Variants in ALK observed in about 807,000 individuals in gnomAD.
ALK encodes ALK receptor tyrosine kinase, also known as ALK tyrosine kinase receptor.
Under a neutral mutation model 163.1 loss-of-function variants are expected in ALK, and 74 were observed. The ratio of observed to expected loss-of-function variants is 0.45; its 90% CI spans 0.38 to 0.55. The LOEUF is 0.55. ALK is among the 20% of genes least tolerant of loss of function. The pLI, the probability that ALK is intolerant of heterozygous loss-of-function variation, is 0.00. For synonymous variants in ALK, 960 were observed against 843.2 expected (o/e 1.14, Z -2.40); for missense variants, 2,063 against 2,105.3 (o/e 0.98, Z 0.39).
intron 3 of ALK, among the ~76,000 whole-genome samples, chr2:29,537,681 T>C (rs1337121801): frequency 2.0e-5 from 3 of 152,196 alleles, no homozygotes; most frequent in African/African-American, 4.8e-5. Flanking sequence ...GCCTTCTATA[T>C]CCAAGAATGG....
At chr2:29,349,034 C>T (rs958067659) in intron 5 of ALK, among the ~76,000 whole-genome samples, 1 of 145,418 alleles carries the variant, frequency 6.9e-6, no homozygotes, top group Non-Finnish European at 1.5e-5. Context: ...TTCATGTGGC[C>T]TTTGTGAAGA....
At chr2:29,419,000 C>G (rs183693173) in intron 4 of ALK, among the ~76,000 whole-genome samples, 32 of 151,462 alleles carry the variant, frequency 2.1e-4, no homozygotes, top group Non-Finnish European at 2.9e-4. Context: ...AGTCTGTGCT[C>G]TCAATAATCC....
intron 1 of ALK, among the ~76,000 whole-genome samples, chr2:29,839,653 G>T (rs1415881415): frequency 6.6e-6 from 1 of 152,032 alleles, no homozygotes; most frequent in African/African-American, 2.4e-5. Flanking sequence ...TCCTTTGTTT[G>T]TGTCCCTTCT....
rs80225871 is a variant in ALK at position 29,591,898 on chromosome 2, G to T, written c.953-59782C>A. Among the ~76,000 whole-genome samples the T allele has an allele frequency of 3.0e-3, 451 of 151,938 alleles. 2 individuals are homozygous for T. Among genetic ancestry groups the T allele is most frequent in the African/African-American group, 0.01 (434 of 41,442 alleles). On this transcript the variant is annotated intron_variant, in intron 3 of 28. Transcript: ENST00000389048. Reference sequence around the variant, plus strand: ...CTTTCAGCACCTGAGTTCATTCTGGGTTTTACTCTTTCTGTCGTCTTTCTC... The same window carrying T: ...CTTTCAGCACCTGAGTTCATTCTGGTTTTTACTCTTTCTGTCGTCTTTCTC...
chr2:29,901,466 G>A (rs1265865068), intron 1 of ALK, among the ~76,000 whole-genome samples: 2 of 152,150 alleles, frequency 1.3e-5, no homozygotes, highest in Admixed American at 6.6e-5. Context: ...TGTTGCACCC[G>A]CTGTTTATGC....
chr2:29,537,298 A>G (rs1004346362), intron 3 of ALK, among the ~76,000 whole-genome samples: 1 of 152,222 alleles, frequency 6.6e-6, no homozygotes, highest in Admixed American at 6.5e-5. Context: ...AGAGGCAAGA[A>G]TGGTTTCAGG....
At position 29,920,520 on chromosome 2, in the gene ALK, G is replaced by C. The variant is rs541315214; in HGVS notation, c.140C>G (p.Ser47Trp). 9.3e-6 allele frequency: 15 copies of C among 1,611,974 alleles called. No homozygotes were observed. Among genetic ancestry groups the C allele is most frequent in the Non-Finnish European group, 1.2e-5 (14 of 1,179,490 alleles). The stretch of plus-strand genomic sequence containing the variant: ...TGCCAGACTCTTCCTCTGCAGGCGC[G>C]AGTAGCTGAGTGGCTCCCGGGGCTG... ...PLQPREPLSY[S>W]RLQRKSLAVD... The change falls in exon 1 of 29, where the codon TCG becomes TGG. Residue 47 changes from serine (S) to tryptophan (W), a missense_variant. Around this residue, in one of 5 missense-constraint regions of ALK, gnomAD observed 987 missense variants for 939.5 expected, o/e 1.05. Coordinates refer to ENST00000389048, the MANE Select transcript of ALK (RefSeq NM_004304.5).
chr2:29,538,256 T>G (rs944360063), intron 3 of ALK, among the ~76,000 whole-genome samples: 2 of 152,224 alleles, frequency 1.3e-5, no homozygotes, highest in Non-Finnish European at 2.9e-5. Context: ...CGTTGAAATG[T>G]GATTCCCAAT....
intron 3 of ALK, among the ~76,000 whole-genome samples, chr2:29,607,133 G>A (rs1049076480): frequency 5.9e-5 from 9 of 152,124 alleles, no homozygotes; most frequent in African/African-American, 1.7e-4. Context: ...CTGTAGACAG[G>A]CCTTACTTAG....
chr2:29,727,472 C>T (rs1044506279), intron 1 of ALK, among the ~76,000 whole-genome samples: 2 of 152,212 alleles, frequency 1.3e-5, no homozygotes, highest in African/African-American at 4.8e-5. Flanking sequence ...AGCAGTGTTA[C>T]TGCGTGACCT....
At chr2:29,197,258 C>G (rs942916362) in intron 27 of ALK, among the ~76,000 whole-genome samples, 2 of 152,106 alleles carry the variant, frequency 1.3e-5, no homozygotes, top group African/African-American at 2.4e-5. Flanking sequence ...GGGACTGGGC[C>G]TGGGACACAC....
At chr2:29,323,517 A>G (rs1023635714) in intron 6 of ALK, among the ~76,000 whole-genome samples, 4 of 152,198 alleles carry the variant, frequency 2.6e-5, no homozygotes, top group African/African-American at 9.7e-5. Context: ...TGGCTGACTC[A>G]ATAACGGGAG....
intron 4 of ALK, among the ~76,000 whole-genome samples, chr2:29,502,367 C>G (rs1485360179): frequency 6.6e-6 from 1 of 152,136 alleles, no homozygotes; most frequent in Non-Finnish European, 1.5e-5. Flanking sequence ...CCAATAAGCA[C>G]TTGTAAAAGA....
Position 29,543,070 on chromosome 2 carries a change from T to A in ALK, c.953-10954A>T, listed in dbSNP as rs545976190. Among the ~76,000 whole-genome samples the A allele has an allele frequency of 1.8e-3, 271 of 152,264 alleles. 1 individual carries two copies. The highest frequency in any genetic ancestry group is 6.1e-3 in the African/African-American group (254 of 41,550). On this transcript the variant is annotated intron_variant, in intron 3 of 28. Coordinates refer to ENST00000389048, the MANE Select transcript of ALK (RefSeq NM_004304.5). ...TTCTTTTAACAGAAGAAAAAGCATA[T>A]AAATTTATTTATGTGCAAATGCATG... is the stretch of plus-strand genomic sequence containing the variant.
intron 3 of ALK, among the ~76,000 whole-genome samples, chr2:29,563,016 C>G (rs1674071555): frequency 1.3e-5 from 2 of 152,154 alleles, no homozygotes; most frequent in South Asian, 4.1e-4. Context: ...TGAAGCTGCT[C>G]CTTATGTGGC....
At chr2:29,412,176 G>T (rs1669741013) in intron 4 of ALK, among the ~76,000 whole-genome samples, 2 of 152,164 alleles carry the variant, frequency 1.3e-5, no homozygotes, top group Non-Finnish European at 2.9e-5. Context: ...ATCTTGGGAT[G>T]AAAATCACCA....
chr2:29,863,064 G>A (rs757443758), intron 1 of ALK, among the ~76,000 whole-genome samples: 6 of 152,148 alleles, frequency 3.9e-5, no homozygotes, highest in African/African-American at 4.8e-5. Flanking sequence ...GTATCCATAC[G>A]CAGAAGAATA....
At chr2:29,798,740 G>A (rs964977875) in intron 1 of ALK, among the ~76,000 whole-genome samples, 1 of 152,152 alleles carries the variant, frequency 6.6e-6, no homozygotes, top group African/African-American at 2.4e-5. Context: ...GCCGCACTTA[G>A]GTAAGGACGG....
chr2:29,214,294 T>C (rs943046681), intron 23 of ALK, among the ~76,000 whole-genome samples: 3 of 152,182 alleles, frequency 2.0e-5, no homozygotes, highest in African/African-American at 4.8e-5. Context: ...TGGGTGGGCA[T>C]AGTATTTGTA....
Sources: allele counts gnomAD v4.1 joint callset (sites outside exome capture counted in the v4.1 genomes callset), GRCh38; gene constraint gnomAD v4.1.1; regional missense constraint gnomAD v4.1.1; transcripts MANE v1.5; gene names NCBI Gene and HGNC (gene_info 2026-07-23, HGNC 2026-07-21).